The following TXNDC11 variants were observed in gnomAD, a reference collection of about 807,000 sequenced individuals.
The protein encoded by TXNDC11 is thioredoxin domain-containing protein 11.
Under a neutral mutation model 78.0 loss-of-function variants are expected in TXNDC11, and 68 were observed. The observed-to-expected ratio is 0.87, with a 90% CI of 0.72 to 1.07. The LOEUF (loss-of-function observed/expected upper bound fraction) is 1.07. Ranked by LOEUF, TXNDC11 falls within the 50% of genes least tolerant of loss-of-function variation. The probability of loss-of-function intolerance (pLI) is 0.00; values close to 1 mark genes in which losing one functional copy is unlikely to be tolerated. For synonymous variants in TXNDC11, 571 were observed against 495.2 expected (o/e 1.15, Z -2.03); for missense variants, 1,389 against 1,221.8 (o/e 1.14, Z -2.04).
At chr16:11,721,755 A>C (rs777115785) in intron 4 of TXNDC11, 85 bp from the exon 5 acceptor site, 22 of 698,522 alleles carry the variant, frequency 3.1e-5, no homozygotes, top group Non-Finnish European at 4.4e-5. Context: ...GACATATTAC[A>C]ATTTGACAAT....
In TXNDC11 at chr16:11,730,783, A is replaced by G. The variant is rs745776664; in HGVS notation, c.570-9T>C. 2 of 1,530,618 alleles carry G rather than the reference A, an allele frequency of 1.3e-6. No homozygotes were observed. Among genetic ancestry groups the G allele is most frequent in the Non-Finnish European group, 1.8e-6 (2 of 1,136,028 alleles). The allele number at this position is 1,530,618 out of a possible 1,614,324, so 94.8% of individuals were successfully genotyped here. A position where few individuals can be genotyped will look rare whatever the true frequency, so the allele number is the denominator to read the frequency against. ...ATTCGATTGGTCCAAAACTAGTACC[A>G]AAAAATAAAAATAAAAATAAAAATA... On this transcript the variant is annotated splice_polypyrimidine_tract_variant and intron_variant, in intron 3 of 11. Coordinates refer to ENST00000283033, the MANE Select transcript of TXNDC11 (RefSeq NM_015914.7).
At chr16:11,688,072 T>C (rs1341397378) in intron 9 of TXNDC11, 106 bp from the exon 10 acceptor site, 3 of 986,364 alleles carry the variant, frequency 3.0e-6, no homozygotes, top group East Asian at 5.2e-5. Flanking sequence ...ATGCTACCTA[T>C]GCAAATATTA....
chr16:11,703,918 C>G (rs1233728159), intron 5 of TXNDC11, among the ~76,000 whole-genome samples: 1 of 152,168 alleles, frequency 6.6e-6, no homozygotes, highest in Non-Finnish European at 1.5e-5. Flanking sequence ...ATAGTGAAAC[C>G]CCATCTCTAC....
intron 7 of TXNDC11, among the ~76,000 whole-genome samples, chr16:11,695,188 C>T (rs547765669): frequency 5.9e-5 from 9 of 152,204 alleles, no homozygotes; most frequent in Admixed American, 1.3e-4. Flanking sequence ...AGTGGCCTCA[C>T]GCCAGTGTCA....
Position 11,691,522 on chromosome 16 carries a change from C to T in TXNDC11, c.1668G>A (p.Arg556=). Residue 556 remains arginine (R), a synonymous_variant, in exon 8 of 12, where the codon AGG becomes AGA. Coordinates refer to ENST00000283033, the MANE Select transcript of TXNDC11 (RefSeq NM_015914.7). ...PSSVPHIEEN[R]YLFPEVDMTS... is the part of the protein sequence containing the mutation. ...TCATGTCCACTTCTGGAAAGAGATA[C>T]CTGTTCTCCTCAATGTGAGGAACGG... 1 of 1,614,174 alleles carries T rather than the reference C, an allele frequency of 6.2e-7. No homozygotes were observed. The highest frequency in any genetic ancestry group is 8.5e-7 in the Non-Finnish European group (1 of 1,180,026).
At chr16:11,721,973 T>TAA (rs773030014) in intron 4 of TXNDC11, among the ~76,000 whole-genome samples, 4 of 152,224 alleles carry the variant, frequency 2.6e-5, no homozygotes, top group Non-Finnish European at 5.9e-5. Flanking sequence ...TTCCACACCC[T>TAA]GTTTGTTGAC....
intron 5 of TXNDC11, among the ~76,000 whole-genome samples, chr16:11,713,851 A>G (rs551998156): frequency 2.7e-5 from 4 of 147,382 alleles, no homozygotes; most frequent in South Asian, 2.1e-4. Context: ...ATTACCCAAG[A>G]AAAAAAAACG....
chr16:11,739,767 G>C (rs898336514), intron 1 of TXNDC11, among the ~76,000 whole-genome samples: 1 of 152,010 alleles, frequency 6.6e-6, no homozygotes, highest in Admixed American at 6.6e-5. Flanking sequence ...AGAAACGCAC[G>C]ATTATTCACT....
At chr16:11,742,442 G>A in intron 1 of TXNDC11, 35 bp downstream of exon 1, 1 of 1,364,846 alleles carries the variant, frequency 7.3e-7, no homozygotes, top group East Asian at 3.1e-5. Context: ...CAAGGGGAGC[G>A]CCCTAGCGGG....
chr16:11,733,299 G>A (rs766832664), intron 3 of TXNDC11, among the ~76,000 whole-genome samples: 5 of 151,780 alleles, frequency 3.3e-5, no homozygotes, highest in African/African-American at 9.7e-5. Context: ...AACTCTTTCC[G>A]TTTTTCAGCC....
In TXNDC11 at chr16:11,691,952, G is replaced by C. The variant is rs145467204; in HGVS notation, c.1238C>G (p.Pro413Arg). ...GGACGCTGTGATCGTTGGCGGGTCT[G>C]GCAGCTGTGCCGGCACTTCCAGGGC... ...SLALEVPAQL[P>R]DPPTITASPC... The change falls in exon 8 of 12, where the codon CCA (proline) becomes CGA (arginine). Residue 413 changes from proline (P) to arginine (R), a missense_variant. Coordinates refer to ENST00000283033, the MANE Select transcript of TXNDC11 (RefSeq NM_015914.7). 5.0e-6 allele frequency: 8 copies of C among 1,611,086 alleles called. No homozygotes were observed. In the African/African-American group the frequency reaches 1.1e-4, roughly 22 times the overall value.
chr16:11,704,670 T>A (rs552856437), intron 5 of TXNDC11, among the ~76,000 whole-genome samples: 1 of 152,232 alleles, frequency 6.6e-6, no homozygotes, highest in Non-Finnish European at 1.5e-5. Flanking sequence ...CAGACAAAAT[T>A]GAGCAATTTT....
rs149701958 is a variant in TXNDC11, at chr16:11,709,423, A to ATTTTTTTTTTTT, written c.794-8871_794-8860dup. Among the ~76,000 whole-genome samples the ATTTTTTTTTTTT allele has an allele frequency of 4.3e-4, 24 of 55,574 alleles. 1 individual carries two copies. Among genetic ancestry groups the ATTTTTTTTTTTT allele is most frequent in the African/African-American group, 1.7e-3 (22 of 12,752 alleles). 36.5% of individuals were successfully genotyped at this position (55,574 alleles called of 152,430 possible). On this transcript the variant is annotated intron_variant, in intron 5 of 11. Coordinates refer to ENST00000283033, the MANE Select transcript of TXNDC11 (RefSeq NM_015914.7). ...CCACCATGCGTAGCTAATTTTTTGT[A>ATTTTTTTTTTTT]TTTTTTTTTTTTTTTTTTTTTTTTT...
In TXNDC11 at chr16:11,698,598, C is replaced by T. The variant is rs191607643; in HGVS notation, c.907-273G>A. ...CAGACCCACCTATCAACAAATAATT[C>T]TCCCTGCCAGCTGGTGGCGATAACA... is the stretch of plus-strand genomic sequence containing the variant. On this transcript the variant is annotated intron_variant, in intron 6 of 11. Coordinates refer to ENST00000283033, the MANE Select transcript of TXNDC11 (RefSeq NM_015914.7). 3.3e-3 allele frequency among the ~76,000 whole-genome samples: 505 copies of T among 152,380 alleles called. 4 individuals carry two copies. Among genetic ancestry groups the T allele is most frequent in the South Asian group, 0.022 (104 of 4,828 alleles).
rs745383802 is a variant in TXNDC11 at position 11,730,723 on chromosome 16, C to T, written c.621G>A (p.Lys207=). 3 of 1,613,632 alleles carry T rather than the reference C, an allele frequency of 1.9e-6. No homozygotes were observed. The highest frequency in any genetic ancestry group is 2.5e-6 in the Non-Finnish European group (3 of 1,179,800). The change falls in exon 4 of 12, where the codon AAG becomes AAA. Residue 207 remains lysine, a synonymous_variant. Transcript: ENST00000283033. ...KGPMSAVYIE[K]FVRRVMKPLL... ...GTGGTTTCATCACCCGGCGGACAAA[C>T]TTCTCAATGTAAACAGCACTCATGG... is the stretch of plus-strand genomic sequence containing the variant.
chr16:11,711,317 G>T (rs1273332044), intron 5 of TXNDC11, among the ~76,000 whole-genome samples: 1 of 152,174 alleles, frequency 6.6e-6, no homozygotes, highest in African/African-American at 2.4e-5. Context: ...TGTTGTTGCT[G>T]TAACAAATAA....
chr16:11,691,837 C>G lies in TXNDC11; in HGVS notation c.1353G>C (p.Gly451=). ...VCELCVNQTS[G]GMKPSSVSVP... is the part of the protein sequence containing the mutation. Reference sequence around the variant, plus strand: ...CGCTGACCGAGCTCGGCTTCATGCCCCCGGAGGTCTGGTTGACACAGAGTT... The same window carrying G: ...CGCTGACCGAGCTCGGCTTCATGCCGCCGGAGGTCTGGTTGACACAGAGTT... Residue 451 remains glycine (G), a synonymous_variant, in exon 8 of 12, where the codon GGG becomes GGC. Transcript: ENST00000283033. 1 of 1,614,236 alleles carries G rather than the reference C, an allele frequency of 6.2e-7. No homozygotes were observed. Among genetic ancestry groups the G allele is most frequent in the South Asian group, 1.1e-5 (1 of 91,088 alleles).
chr16:11,726,278 T>A (rs1042132768), intron 4 of TXNDC11, among the ~76,000 whole-genome samples: 2 of 152,082 alleles, frequency 1.3e-5, no homozygotes, highest in Non-Finnish European at 2.9e-5. Context: ...ATATTTTCCA[T>A]TGGTTAAAAA....
chr16:11,695,813 G>A (rs996629405), intron 7 of TXNDC11, among the ~76,000 whole-genome samples: 1 of 152,042 alleles, frequency 6.6e-6, no homozygotes, highest in Non-Finnish European at 1.5e-5. Flanking sequence ...AAGACCGATC[G>A]CTTGAGCCCA....
Sources: gnomAD v4.1 joint callset for allele counts (sites outside exome capture counted in the v4.1 genomes callset) on GRCh38, gnomAD v4.1.1 for gene constraint, MANE v1.5 for transcripts, NCBI Gene and HGNC (gene_info 2026-07-23, HGNC 2026-07-21) for gene names.